Variants in MYH7 observed in about 807,000 individuals in gnomAD.
MYH7 encodes the protein myosin-7.
In MYH7, 129 loss-of-function variants were observed where a neutral mutation model predicts 225.4. The ratio of observed to expected loss-of-function variants is 0.57; its 90% CI spans 0.50 to 0.66. The LOEUF is 0.66. Ranked by LOEUF, MYH7 falls within the 30% of genes least tolerant of loss-of-function variation. MYH7 has a pLI of 0.00. For missense variants in MYH7, 1,649 were observed against 2,517.0 expected, an observed-to-expected ratio of 0.66 and a Z score of 7.38; for synonymous variants, 971 against 1,007.6, an observed-to-expected ratio of 0.96 and a Z score of 0.69.
In MYH7 at chr14:23,433,231, C is replaced by G; in HGVS notation, c.202-4G>C. On this transcript the variant is annotated splice_region_variant and splice_polypyrimidine_tract_variant and intron_variant, in intron 3 of 39. Transcript: ENST00000355349. This position sits in a 1 kb window ranked among gnomAD's most constrained non-coding sequence, Gnocchi z 4.1. The stretch of plus-strand genomic sequence containing the variant: ...GGTCCTCCTTCACGGTCACTGTCTG[C>G]AAGAGCCCCCACCCAAGCCCTCCTG... 2 of 1,614,158 alleles carry G rather than the reference C, an allele frequency of 1.2e-6. No individual in the cohort carries two copies. The highest frequency in any genetic ancestry group is 8.5e-7 in the Non-Finnish European group (1 of 1,180,006).
Position 23,421,000 on chromosome 14 carries a change from C to T in MYH7, c.3294G>A (p.Gln1098=), listed in dbSNP as rs375323916. ...TCTTCTGCAGCTGGCTGCCGAGGGC[C>T]TGTTCATCCTCAATCCTTGCGTTGA... is the stretch of plus-strand genomic sequence containing the variant. The part of the protein sequence containing the change: ...NALNARIEDE[Q]ALGSQLQKKL... Residue 1098 remains glutamine (Q), a synonymous_variant, in exon 26 of 40, where the codon CAG becomes CAA. Transcript: ENST00000355349. The T allele has an allele frequency of 6.2e-7, 1 of 1,612,586 alleles. No individual in the cohort carries two copies. The highest frequency in any genetic ancestry group is 8.5e-7 in the Non-Finnish European group (1 of 1,180,028).
chr14:23,423,514 A>G (rs1183621250), intron 24 of MYH7, 33 bp downstream of exon 24: 16 of 1,610,606 alleles, frequency 9.9e-6, no homozygotes, highest in Non-Finnish European at 1.3e-5. Flanking sequence ...TAGACATGGC[A>G]TATCTAGGCC....
rs575390812 is a variant in MYH7 at position 23,429,699 on chromosome 14, G to A, written c.1138+76C>T. 1,730 of 1,483,446 alleles carry A rather than the reference G, an allele frequency of 1.2e-3. 7 individuals are homozygous for A. Among genetic ancestry groups the A allele is most frequent in the Middle Eastern group, 5.2e-3 (21 of 4,052 alleles). 91.9% of individuals were successfully genotyped at this position (1,483,446 alleles called of 1,614,324 possible). ...TCAAAAAAAAAAAAAAAAGAAAAAA[G>A]AGAAGAGAGATGACTGCTGAGCAGA... On this transcript the variant is annotated intron_variant, in intron 12 of 39. Coordinates refer to ENST00000355349, the MANE Select transcript of MYH7 (RefSeq NM_000257.4).
rs200342157 is a variant in MYH7 at position 23,425,255 on chromosome 14, G to A, written c.2423+27C>T. ...GAACCAGCCTGGGCCTCAGAGAAGC[G>A]GGAAACCTCCTCTTGAGATCTCTCA... On this transcript the variant is annotated intron_variant, in intron 21 of 39. Transcript: ENST00000355349. The surrounding 1 kb of genome is among the most constrained non-coding windows in gnomAD (Gnocchi z 4.6). 77 of 1,614,080 alleles carry A rather than the reference G, an allele frequency of 4.8e-5. No individual in the cohort carries two copies. Among genetic ancestry groups the A allele is most frequent in the Middle Eastern group, 1.6e-4 (1 of 6,062 alleles).
Position 23,424,694 on chromosome 14 carries a change from T to C in MYH7, c.2679+75A>G, listed in dbSNP as rs1443886676. On this transcript the variant is annotated intron_variant, in intron 22 of 39. Coordinates refer to ENST00000355349, the MANE Select transcript of MYH7 (RefSeq NM_000257.4). ...GAAGGAACAAGACAGTGAGCCCCTG[T>C]GCAGGGAGGTGCAGGGTTGTGGGAA... 27 of 1,605,034 alleles carry C rather than the reference T, an allele frequency of 1.7e-5. No individual in the cohort carries two copies. In the Admixed American group the frequency reaches 4.5e-4, roughly 27 times the overall value.
intron 30 of MYH7, 149 bp downstream of exon 30, chr14:23,418,061 A>G: frequency 8.4e-7 from 1 of 1,196,150 alleles, no homozygotes; most frequent in Non-Finnish European, 1.3e-6. Context: ...CTTCCCTGAG[A>G]GGAGAAGGAG....
rs202175645 is a variant in MYH7 at position 23,415,070 on chromosome 14, G to A, written c.5484C>T (p.Ala1828=). The A allele has an allele frequency of 9.5e-5, 154 of 1,613,470 alleles. 1 individual carries two copies. Among genetic ancestry groups the A allele is most frequent in the South Asian group, 8.5e-4 (77 of 91,080 alleles). The stretch of plus-strand genomic sequence containing the variant: ...CCGACTCTGCGTTGCGCTTCTGCTC[G>A]GCCTCCAGCTCATTCTCCAGCTCCC... ...RVRELENELE[A]EQKRNAESVK... Residue 1828 remains alanine, a synonymous_variant, in exon 37 of 40, where the codon GCC becomes GCT. Coordinates refer to ENST00000355349, the MANE Select transcript of MYH7 (RefSeq NM_000257.4). This position sits in a 1 kb window ranked among gnomAD's most constrained non-coding sequence, Gnocchi z 6.3.
In MYH7 at chr14:23,417,338, A is replaced by T. The variant is rs1466706878; in HGVS notation, c.4354-20T>A. The T allele has an allele frequency of 4.4e-5, 71 of 1,612,418 alleles. No homozygotes were observed. Among genetic ancestry groups the T allele is most frequent in the Non-Finnish European group, 5.8e-5 (69 of 1,179,912 alleles). On this transcript the variant is annotated intron_variant, in intron 31 of 39. Transcript: ENST00000355349. The stretch of plus-strand genomic sequence containing the variant: ...CAGGATCTGCCCGGGGACAAGGCTC[A>T]CTCTTCAGCCCCCCAGCCTCAGCCC...
In MYH7 at chr14:23,425,947, T is replaced by G. The variant is rs575365669; in HGVS notation, c.2162+17A>C. ...GCTCCCCCTGTTCTATGAGCTCTGG[T>G]GCACCCTCATACCCACCTCTGCCGG... On this transcript the variant is annotated intron_variant, in intron 19 of 39. Coordinates refer to ENST00000355349, the MANE Select transcript of MYH7 (RefSeq NM_000257.4). The surrounding 1 kb of genome is among the most constrained non-coding windows in gnomAD (Gnocchi z 4.6). 137 of 1,613,200 alleles carry G rather than the reference T, an allele frequency of 8.5e-5. No homozygotes were observed. In the Middle Eastern group the frequency reaches 9.4e-4, roughly 11 times the overall value.
At chr14:23,435,015 T>A (rs17092328) in intron 1 of MYH7, among the ~76,000 whole-genome samples, 3,266 of 152,146 alleles carry the variant, frequency 0.021, 55 homozygotes, top group African/African-American at 0.041. Context: ...CGTAAGTAGA[T>A]CACATCACTG....
In MYH7 at chr14:23,412,806, G is replaced by A. The variant is rs1314474405; in HGVS notation, c.*48C>T. The A allele has an allele frequency of 2.5e-6, 4 of 1,610,554 alleles. No individual in the cohort carries two copies. The South Asian group carries it at 4.4e-5, about 18-fold the overall frequency. ...GAGCTGTTACACAGGCTCCAGCATG[G>A]GGCTTTGCTGGCACCTCCAGGGCTG... On this transcript the variant is annotated 3_prime_UTR_variant, in exon 40 of 40. Transcript: ENST00000355349.
chr14:23,417,476 T>C (rs1458025426), intron 31 of MYH7, 27 bp downstream of exon 31: 1 of 1,612,284 alleles, frequency 6.2e-7, no homozygotes, highest in Non-Finnish European at 8.5e-7. Flanking sequence ...CCCTGCATGC[T>C]GGCTGCGGCC....
intron 24 of MYH7, 120 bp downstream of exon 24, chr14:23,423,421 CTAAACA>C (rs1378049703): frequency 3.0e-6 from 4 of 1,313,338 alleles, no homozygotes; most frequent in Non-Finnish European, 4.3e-6. Context: ...CTACCCCCCT[CTAAACA>C]TAAACACAAA....
At position 23,420,374 on chromosome 14, in the gene MYH7, G is replaced by A. The variant is rs148929758; in HGVS notation, c.3337-140C>T. ...GGAGAGGTGGGAATTAAAGGATTTGGGGAAGATAGTTTGAAGAGCCTTCCT... is the reference window on the plus strand; with the variant it reads ...GGAGAGGTGGGAATTAAAGGATTTGAGGAAGATAGTTTGAAGAGCCTTCCT... On this transcript the variant is annotated intron_variant, in intron 26 of 39. Transcript: ENST00000355349. The A allele has an allele frequency of 3.0e-4, 457 of 1,508,932 alleles. 2 individuals carry two copies. The Middle Eastern group carries it at 6.9e-3, about 23-fold the overall frequency. The allele number at this position is 1,508,932 out of a possible 1,614,324, so 93.5% of individuals were successfully genotyped here. A position where few individuals can be genotyped will look rare whatever the true frequency, so the allele number is the denominator to read the frequency against.
chr14:23,424,398 G>A (rs779810457), intron 22 of MYH7, among the ~76,000 whole-genome samples: 1 of 152,184 alleles, frequency 6.6e-6, no homozygotes, highest in Non-Finnish European at 1.5e-5. Flanking sequence ...CTCCTCCATC[G>A]AAGGGTGGGA....
At chr14:23,427,117 T>C in intron 17 of MYH7, 123 bp downstream of exon 17, 1 of 906,010 alleles carries the variant, frequency 1.1e-6, no homozygotes, top group Non-Finnish European at 1.7e-6. Flanking sequence ...GTGAAAATGG[T>C]CCCGAATGCA....
At chr14:23,432,394 T>C in intron 6 of MYH7, 85 bp downstream of exon 6, 1 of 1,552,686 alleles carries the variant, frequency 6.4e-7, no homozygotes, top group Non-Finnish European at 8.9e-7. Context: ...GCTGAGTCTA[T>C]GCCTCGGGGC....
In MYH7 at chr14:23,426,651, C is replaced by G. The variant is rs1321877794; in HGVS notation, c.2044+126G>C. The G allele has an allele frequency of 1.0e-5, 9 of 869,230 alleles. No individual in the cohort carries two copies. In the Admixed American group the frequency reaches 1.8e-4, roughly 17 times the overall value. The allele number at this position is 869,230 out of a possible 1,614,324, so 53.8% of individuals were successfully genotyped here. ...GGGAGGTACCCTGGGAGGCCTCATG[C>G]GGGATGGGAGGAGAAGAATGTGGTT... On this transcript the variant is annotated intron_variant, in intron 18 of 39. Transcript: ENST00000355349.
chr14:23,433,481 C>T lies in MYH7; in HGVS notation c.201+51G>A. ...GCATGGGTGTACCCCTCTCTGTCCA[C>T]CCAGGTGTACAGGTGGCCAGGGTGG... On this transcript the variant is annotated intron_variant, in intron 3 of 39. Transcript: ENST00000355349. This position sits in a 1 kb window ranked among gnomAD's most constrained non-coding sequence, Gnocchi z 4.1. 6.3e-7 allele frequency: 1 copy of T among 1,593,836 alleles called. No homozygotes were observed. The highest frequency in any genetic ancestry group is 1.1e-5 in the South Asian group (1 of 90,532).
Sources: allele counts gnomAD v4.1 joint callset (sites outside exome capture counted in the v4.1 genomes callset), GRCh38; gene constraint gnomAD v4.1.1; non-coding constraint Gnocchi (gnomAD v3.1); transcripts MANE v1.5; gene names NCBI Gene and HGNC (gene_info 2026-07-23, HGNC 2026-07-21).